The following PLAAT3 variants were observed in gnomAD, a reference collection of about 807,000 sequenced individuals.
The protein encoded by PLAAT3 is Ca-independent phospholipase A1/2.
Under a neutral mutation model 16.7 loss-of-function variants are expected in PLAAT3, and 21 were observed. The ratio of observed to expected loss-of-function variants is 1.26; its 90% confidence interval spans 0.89 to 1.81. PLAAT3 has a LOEUF of 1.81. PLAAT3 is among the 40% of genes most tolerant of loss of function. The pLI is 0.00. For synonymous variants in PLAAT3, 76 were observed against 81.7 expected, an observed-to-expected ratio of 0.93 and a Z score of 0.38; for missense variants, 219 against 213.7, an observed-to-expected ratio of 1.02 and a Z score of -0.16.
chr11:63,584,817 T>C (rs1937923102), intron 4 of PLAAT3, among the ~76,000 whole-genome samples: 1 of 151,920 alleles, frequency 6.6e-6, no homozygotes, highest in Non-Finnish European at 1.5e-5. Context: ...GCCATAAATA[T>C]TCTTTTGAAG....
chr11:63,577,751 C>T (rs1220360148), intron 4 of PLAAT3, among the ~76,000 whole-genome samples: 2 of 151,928 alleles, frequency 1.3e-5, no homozygotes, highest in East Asian at 1.9e-4. Context: ...TGGCTAAGAT[C>T]GAGTGTAAAA....
rs533356939 is a variant in PLAAT3, at chr11:63,590,279, C to T, written c.208G>A (p.Gly70Arg). ...VKKELLYDVA[G>R]SDKYQVNNKH... ...TTGTTGACCTGGTACTTGTCACTCC[C>T]GGCCACATCATACAGCAATTCCTTC... Residue 70 changes from glycine (G) to arginine (R), a missense_variant, in exon 4 of 5, where the codon GGG becomes AGG. Physicochemically the swap from Gly to Arg is moderately radical, Grantham distance 125. Coordinates refer to ENST00000415826, the MANE Select transcript of PLAAT3 (RefSeq NM_001128203.2). 88 of 1,614,178 alleles carry T rather than the reference C, an allele frequency of 5.5e-5. No homozygotes were observed. In the Admixed American group the frequency reaches 1.3e-3, roughly 24 times the overall value.
chr11:63,603,505 A>C (rs2134424685), intron 2 of PLAAT3, among the ~76,000 whole-genome samples: 1 of 152,274 alleles, frequency 6.6e-6, no homozygotes, highest in African/African-American at 2.4e-5. Flanking sequence ...TGAAAAAAAC[A>C]GCTTGGATGC....
chr11:63,600,660 T>C (rs958377987), intron 2 of PLAAT3, among the ~76,000 whole-genome samples: 2 of 152,070 alleles, frequency 1.3e-5, no homozygotes, highest in Non-Finnish European at 2.9e-5. Context: ...TGGAGTGCAG[T>C]GGTGCGATCT....
upstream of PLAAT3, among the ~76,000 whole-genome samples, chr11:63,614,635 A>G (rs1284337749): frequency 1.3e-5 from 2 of 152,090 alleles, no homozygotes; most frequent in Non-Finnish European, 2.9e-5. Flanking sequence ...ACCTCTGCAC[A>G]CACATCACAC....
At chr11:63,589,974 T>C in intron 4 of PLAAT3, 126 bp downstream of exon 4, 1 of 655,344 alleles carries the variant, frequency 1.5e-6, no homozygotes, top group Non-Finnish European at 2.4e-6. Context: ...AACTGTGACA[T>C]CCTCAAGGGC....
chr11:63,586,127 T>C (rs796439485), intron 4 of PLAAT3, among the ~76,000 whole-genome samples: 3 of 152,138 alleles, frequency 2.0e-5, no homozygotes, highest in South Asian at 4.1e-4. Context: ...TGTGTGTGTG[T>C]GTGTGCACGT....
intron 3 of PLAAT3, among the ~76,000 whole-genome samples, chr11:63,595,163 T>C (rs1385483091): frequency 6.6e-6 from 1 of 151,782 alleles, no homozygotes; most frequent in Non-Finnish European, 1.5e-5. Context: ...TGGTGGTGCG[T>C]GCCTGTAATC....
intron 4 of PLAAT3, among the ~76,000 whole-genome samples, chr11:63,587,553 G>T (rs61929722): frequency 1.3e-5 from 2 of 149,516 alleles, no homozygotes; most frequent in Non-Finnish European, 1.5e-5. Context: ...TTTGTTTCTT[G>T]GGTCTTTTTT....
At chr11:63,615,228 GTGTATATA>G (rs1294979200), upstream of PLAAT3, among the ~76,000 whole-genome samples, 4 of 56,610 alleles carry the variant, frequency 7.1e-5, no homozygotes, top group Admixed American at 1.8e-4. Context: ...GTGTATATAT[GTGTATATA>G]TGTGTATATA....
chr11:63,595,150 G>A lies in PLAAT3; in HGVS notation c.118+2911C>T, dbSNP rs140411235. On this transcript the variant is annotated intron_variant, in intron 3 of 4. Coordinates refer to ENST00000415826, the MANE Select transcript of PLAAT3 (RefSeq NM_001128203.2). ...TACTAAAAATACAAAAATTAGCTGG[G>A]CATGGTGGTGCGTGCCTGTAATCCC... Among the ~76,000 whole-genome samples the A allele has an allele frequency of 9.8e-4, 149 of 152,054 alleles. 1 individual carries two copies. The East Asian group carries it at 0.017, about 18-fold the overall frequency.
intron 4 of PLAAT3, among the ~76,000 whole-genome samples, chr11:63,577,670 A>G (rs1937652827): frequency 6.6e-6 from 1 of 152,250 alleles, no homozygotes; most frequent in Non-Finnish European, 1.5e-5. Context: ...CCACTGGAGA[A>G]TAAGACAGCA....
chr11:63,615,184 A>ATATATATGTGTG (rs1938824479), upstream of PLAAT3, among the ~76,000 whole-genome samples: 1 of 9,534 alleles, frequency 1.0e-4, no homozygotes, highest in African/African-American at 2.0e-4. Context: ...ATATGTGTGT[A>ATATATATGTGTG]TATATATGTG....
At chr11:63,605,254 T>G (rs975208647) in intron 2 of PLAAT3, among the ~76,000 whole-genome samples, 2 of 151,776 alleles carry the variant, frequency 1.3e-5, no homozygotes, top group African/African-American at 2.4e-5. Flanking sequence ...AAAAATGAGC[T>G]GGGCATGGTG....
At chr11:63,575,848 C>T (rs1425583217) in intron 4 of PLAAT3, among the ~76,000 whole-genome samples, 1 of 152,114 alleles carries the variant, frequency 6.6e-6, no homozygotes, top group Non-Finnish European at 1.5e-5. Flanking sequence ...ATATTAAACC[C>T]AGGTACCTCT....
At chr11:63,587,994 A>G (rs980733104) in intron 4 of PLAAT3, among the ~76,000 whole-genome samples, 2 of 152,138 alleles carry the variant, frequency 1.3e-5, no homozygotes, top group African/African-American at 2.4e-5. Flanking sequence ...CGTTAGGATC[A>G]TTTGAGCTCA....
chr11:63,598,623 G>A, intron 2 of PLAAT3: 1 of 502,964 alleles, frequency 2.0e-6, no homozygotes, highest in South Asian at 1.5e-5. Context: ...ACTTGGCCAG[G>A]ACTGAACGCC....
chr11:63,579,045 C>A (rs1261440384), intron 4 of PLAAT3, among the ~76,000 whole-genome samples: 1 of 152,126 alleles, frequency 6.6e-6, no homozygotes, highest in Non-Finnish European at 1.5e-5. Context: ...CAAACAACCC[C>A]ATCAAAAAGT....
chr11:63,614,060 C>A lies in PLAAT3; in HGVS notation c.-46G>T, dbSNP rs373260319. On this transcript the variant is annotated 5_prime_UTR_variant, in exon 2 of 5. Transcript: ENST00000415826. ...CTCAAGGCCAGGCTCGATTTCGCTG[C>A]GTAGATGTCTGAGGCAGGGGGAGCA... is the stretch of plus-strand genomic sequence containing the variant. The A allele has an allele frequency of 6.2e-7, 1 of 1,613,310 alleles. No individual in the cohort carries two copies. Among genetic ancestry groups the A allele is most frequent in the Non-Finnish European group, 8.5e-7 (1 of 1,179,544 alleles).
Sources: allele counts gnomAD v4.1 joint callset (sites outside exome capture counted in the v4.1 genomes callset), GRCh38; gene constraint gnomAD v4.1.1; transcripts MANE v1.5; gene names NCBI Gene and HGNC (gene_info 2026-07-23, HGNC 2026-07-21).